The following CCSER1 variants were observed in gnomAD, a reference collection of about 807,000 sequenced individuals.
CCSER1 encodes the protein coiled-coil serine rich protein 1.
In CCSER1, 41 loss-of-function variants were observed where a neutral mutation model predicts 82.0. The observed-to-expected ratio is 0.50, with a 90% CI of 0.39 to 0.65. The LOEUF (loss-of-function observed/expected upper bound fraction) is 0.65, where lower values mean the gene tolerates loss of function less well. Among genes scored for constraint, CCSER1 ranks in the 30% least tolerant of loss-of-function variants. The pLI, the probability that CCSER1 is intolerant of heterozygous loss-of-function variation, is 0.00. For synonymous variants in CCSER1, 414 were observed against 383.9 expected, an observed-to-expected ratio of 1.08 and a Z score of -0.92; for missense variants, 1,119 against 1,064.2, an observed-to-expected ratio of 1.05 and a Z score of -0.72.
chr4:91,103,935 T>A (rs771756704), intron 10 of CCSER1, among the ~76,000 whole-genome samples: 1 of 152,160 alleles, frequency 6.6e-6, no homozygotes, highest in Non-Finnish European at 1.5e-5. Context: ...CACTAAATTC[T>A]TTTCCTAGCA....
intron 10 of CCSER1, among the ~76,000 whole-genome samples, chr4:91,532,739 G>T (rs1321383705): frequency 2.0e-5 from 3 of 152,034 alleles, no homozygotes; most frequent in Admixed American, 6.6e-5. Flanking sequence ...GTGGTGGCAT[G>T]CACCTATAGT....
chr4:90,281,516 T>A (rs752279288), intron 1 of CCSER1, among the ~76,000 whole-genome samples: 2 of 152,134 alleles, frequency 1.3e-5, no homozygotes, highest in Non-Finnish European at 2.9e-5. Context: ...TTTTTCCATA[T>A]TTTATATATT....
chr4:91,382,690 A>T (rs577160148), intron 10 of CCSER1, among the ~76,000 whole-genome samples: 23 of 152,136 alleles, frequency 1.5e-4, no homozygotes, highest in African/African-American at 4.3e-4. Flanking sequence ...TTTGGCTCAC[A>T]CTTGGTGGAC....
chr4:90,737,058 T>C (rs1745774537), intron 7 of CCSER1, among the ~76,000 whole-genome samples: 1 of 152,168 alleles, frequency 6.6e-6, no homozygotes, highest in Non-Finnish European at 1.5e-5. Flanking sequence ...ATTTATATCT[T>C]ATACTAACTA....
intron 7 of CCSER1, among the ~76,000 whole-genome samples, chr4:90,751,971 C>T (rs992252950): frequency 1.3e-5 from 2 of 152,008 alleles, no homozygotes; most frequent in South Asian, 2.1e-4. Context: ...CAAATATTTG[C>T]TCAAAAAATT....
At chr4:91,519,285 C>T (rs1046587623) in intron 10 of CCSER1, among the ~76,000 whole-genome samples, 1 of 152,154 alleles carries the variant, frequency 6.6e-6, no homozygotes, top group African/African-American at 2.4e-5. Flanking sequence ...AGCCTGTAGG[C>T]AGCAAAGGTG....
chr4:91,287,282 A>G (rs1743348929), intron 10 of CCSER1, among the ~76,000 whole-genome samples: 1 of 151,946 alleles, frequency 6.6e-6, no homozygotes, highest in African/African-American at 2.4e-5. Flanking sequence ...AAGTGTCTGT[A>G]AGAACAGATG....
At chr4:91,431,475 C>T (rs1053998640) in intron 10 of CCSER1, among the ~76,000 whole-genome samples, 1 of 151,058 alleles carries the variant, frequency 6.6e-6, no homozygotes, top group African/African-American at 2.4e-5. Context: ...CCTTTTTTTT[C>T]GGGGGGCGGT....
intron 7 of CCSER1, among the ~76,000 whole-genome samples, chr4:90,805,836 T>A (rs1033650709): frequency 1.3e-4 from 20 of 152,344 alleles, no homozygotes; most frequent in African/African-American, 4.3e-4. Flanking sequence ...GTTAATGGAA[T>A]AACTTCATTT....
At chr4:90,493,039 C>G (rs1287836823) in intron 5 of CCSER1, among the ~76,000 whole-genome samples, 2 of 152,068 alleles carry the variant, frequency 1.3e-5, no homozygotes, top group Non-Finnish European at 2.9e-5. Context: ...AAATGGCTAA[C>G]TGGAATAACC....
At chr4:90,389,170 A>G (rs1750573001) in intron 3 of CCSER1, among the ~76,000 whole-genome samples, 1 of 152,192 alleles carries the variant, frequency 6.6e-6, no homozygotes. Context: ...CTCTTTGGCT[A>G]ACTCCAGCAT....
chr4:90,371,615 A>G (rs1176824756), intron 3 of CCSER1, among the ~76,000 whole-genome samples: 1 of 152,196 alleles, frequency 6.6e-6, no homozygotes, highest in Middle Eastern at 3.2e-3. Context: ...TGTTTTTATA[A>G]TCAACATCAT....
chr4:90,645,952 T>A (rs1386688366), intron 6 of CCSER1, among the ~76,000 whole-genome samples: 46 of 152,254 alleles, frequency 3.0e-4, no homozygotes, highest in Non-Finnish European at 1.5e-5. Flanking sequence ...TGAATATTTC[T>A]CTTTACTTGG....
chr4:90,995,197 GA>G (rs749331356), intron 9 of CCSER1, among the ~76,000 whole-genome samples: 3 of 152,136 alleles, frequency 2.0e-5, no homozygotes, highest in Non-Finnish European at 2.9e-5. Context: ...GAGTTGGTTG[GA>G]AAATCAAGGT....
intron 9 of CCSER1, among the ~76,000 whole-genome samples, chr4:91,000,400 A>G (rs1737928604): frequency 6.6e-6 from 1 of 151,300 alleles, no homozygotes; most frequent in Non-Finnish European, 1.5e-5. Context: ...TGCTTTGGCT[A>G]TTCTTGGCTC....
chr4:91,120,543 A>T (rs1726995369), intron 10 of CCSER1, among the ~76,000 whole-genome samples: 1 of 152,016 alleles, frequency 6.6e-6, no homozygotes, highest in Admixed American at 6.6e-5. Flanking sequence ...AAGCTAAAAC[A>T]TGGGATGATA....
intron 10 of CCSER1, among the ~76,000 whole-genome samples, chr4:91,442,478 G>A (rs560818276): frequency 7.5e-6 from 1 of 133,960 alleles, no homozygotes; most frequent in South Asian, 2.6e-4. Flanking sequence ...AATTCAAGAT[G>A]GATTAAAGAC....
At chr4:91,298,995 G>C (rs1035642234) in intron 10 of CCSER1, among the ~76,000 whole-genome samples, 14 of 152,046 alleles carry the variant, frequency 9.2e-5, no homozygotes, top group African/African-American at 3.4e-4. Context: ...AAATACTTTG[G>C]ACCTCTACCC....
intron 4 of CCSER1, among the ~76,000 whole-genome samples, chr4:90,463,200 G>A (rs180943474): frequency 4.6e-5 from 7 of 152,222 alleles, no homozygotes; most frequent in Non-Finnish European, 7.4e-5. Context: ...GCTGCTTGAC[G>A]TTTTCACAGT....
Sources: allele counts gnomAD v4.1 joint callset (sites outside exome capture counted in the v4.1 genomes callset), GRCh38; gene constraint gnomAD v4.1.1; transcripts MANE v1.5; gene names NCBI Gene and HGNC (gene_info 2026-07-23, HGNC 2026-07-21).